Variants in PIP4K2B observed in about 807,000 individuals in gnomAD.
The protein encoded by PIP4K2B is phosphatidylinositol 5-phosphate 4-kinase type-2 beta.
PIP4K2B carries 3 observed loss-of-function variants against 42.0 expected under a neutral mutation model. That is an observed-to-expected ratio of 0.07 (90% CI 0.03 to 0.18). PIP4K2B has a LOEUF of 0.18. Ranked by LOEUF, PIP4K2B falls within the 10% of genes least tolerant of loss-of-function variation. The probability of loss-of-function intolerance (pLI) is 1.00; values close to 1 mark genes in which losing one functional copy is unlikely to be tolerated. For missense variants in PIP4K2B, 332 were observed against 562.3 expected (o/e 0.59, Z 4.14); for synonymous variants, 204 against 210.1 (o/e 0.97, Z 0.25).
chr17:38,797,408 G>A (rs1910710112), intron 1 of PIP4K2B, among the ~76,000 whole-genome samples: 1 of 152,082 alleles, frequency 6.6e-6, no homozygotes, highest in African/African-American at 2.4e-5. Context: ...ACTATACTTC[G>A]CATCTATCCT....
Position 38,780,588 on chromosome 17 carries a change from C to G in PIP4K2B, c.371G>C (p.Ser124Thr). Residue 124 changes from serine (S) to threonine (T), a missense_variant, in exon 4 of 10, where the codon AGC becomes ACC. Ser to Thr is a moderately conservative substitution (Grantham distance 58). Coordinates refer to ENST00000619039, the MANE Select transcript of PIP4K2B (RefSeq NM_003559.5). ...CTGGCTGTCACTGTTGATGGGGGCG[C>G]TGCGCGTCACTGAATTCTGATAATC... Reference protein sequence around the residue: ...DQDYQNSVTRSAPINSDSQGR... With the variant: ...DQDYQNSVTRTAPINSDSQGR... 6.2e-7 allele frequency: 1 copy of G among 1,611,672 alleles called. No homozygotes were observed. Among genetic ancestry groups the G allele is most frequent in the Non-Finnish European group, 8.5e-7 (1 of 1,178,014 alleles).
intron 1 of PIP4K2B, among the ~76,000 whole-genome samples, chr17:38,796,169 G>C (rs72625935): frequency 6.6e-6 from 1 of 152,004 alleles, no homozygotes; most frequent in Non-Finnish European, 1.5e-5. Context: ...ATCACAATGA[G>C]ATACGAATTC....
chr17:38,784,792 C>T (rs1598052267), intron 2 of PIP4K2B, among the ~76,000 whole-genome samples: 1 of 152,184 alleles, frequency 6.6e-6, no homozygotes, highest in East Asian at 1.9e-4. Flanking sequence ...TTCAATAAAA[C>T]ATACATTAAA....
chr17:38,787,572 G>A (rs1910102473), intron 1 of PIP4K2B, among the ~76,000 whole-genome samples: 1 of 152,050 alleles, frequency 6.6e-6, no homozygotes, highest in Non-Finnish European at 1.5e-5. Flanking sequence ...GTTAAGCTAG[G>A]CAATACTATA....
In PIP4K2B at chr17:38,799,108, C is replaced by G. The variant is rs1156343992; in HGVS notation, c.159+158G>C. ...TCGCGTGGCGTGCGGGGAGTGCACA[C>G]GGGGCCGAAAGGCGTGCAAGGGTGG... On this transcript the variant is annotated intron_variant, in intron 1 of 9. Transcript: ENST00000619039. The surrounding 1 kb of genome is among the most constrained non-coding windows in gnomAD (Gnocchi z 4.4). 6.6e-6 allele frequency among the ~76,000 whole-genome samples: 1 copy of G among 151,588 alleles called. No homozygotes were observed. The highest frequency in any genetic ancestry group is 1.5e-5 in the Non-Finnish European group (1 of 67,946).
chr17:38,770,684 T>C (rs1226631773), intron 8 of PIP4K2B, 145 bp from the exon 9 acceptor site: 1 of 658,272 alleles, frequency 1.5e-6, no homozygotes, highest in Non-Finnish European at 2.7e-6. Flanking sequence ...TGGAGTCCTT[T>C]CCAGCTGTCA....
chr17:38,778,082 ATG>A (rs1909469110), intron 6 of PIP4K2B, among the ~76,000 whole-genome samples: 1 of 152,196 alleles, frequency 6.6e-6, no homozygotes, highest in Admixed American at 6.5e-5. Flanking sequence ...AGGCTGGACT[ATG>A]AGATAGAAAT....
chr17:38,766,852 G>C lies in PIP4K2B; in HGVS notation c.*2839C>G, dbSNP rs1449892689. On this transcript the variant is annotated 3_prime_UTR_variant, in exon 10 of 10. Transcript: ENST00000619039. ...TTAATTAACAGGAACCAGGGCCAGGGGCCTTCATCTAGAGGTCAGTGGAGT... is the reference window on the plus strand; with the variant it reads ...TTAATTAACAGGAACCAGGGCCAGGCGCCTTCATCTAGAGGTCAGTGGAGT... The C allele has an allele frequency of 6.5e-6, 1 of 152,686 alleles. No homozygotes were observed. Among genetic ancestry groups the C allele is most frequent in the African/African-American group, 2.4e-5 (1 of 41,444 alleles). 9.5% of individuals were successfully genotyped at this position (152,686 alleles called of 1,614,324 possible). A position where few individuals can be genotyped will look rare whatever the true frequency, so the allele number is the denominator to read the frequency against.
At chr17:38,798,056 G>T (rs887734458) in intron 1 of PIP4K2B, among the ~76,000 whole-genome samples, 1 of 152,038 alleles carries the variant, frequency 6.6e-6, no homozygotes, top group Non-Finnish European at 1.5e-5. Context: ...CTCAGATTAC[G>T]GTTCATCGAT....
chr17:38,773,887 T>C (rs1909175315), intron 7 of PIP4K2B, among the ~76,000 whole-genome samples: 1 of 152,138 alleles, frequency 6.6e-6, no homozygotes, highest in South Asian at 2.1e-4. Flanking sequence ...GCAACATGCA[T>C]TGAAAACAAA....
At chr17:38,796,017 A>C (rs1221413622) in intron 1 of PIP4K2B, among the ~76,000 whole-genome samples, 1 of 152,146 alleles carries the variant, frequency 6.6e-6, no homozygotes, top group Non-Finnish European at 1.5e-5. Flanking sequence ...AGGCATCTGT[A>C]ATCCCAGCTA....
chr17:38,797,572 C>A (rs1050367702), intron 1 of PIP4K2B, among the ~76,000 whole-genome samples: 1 of 152,216 alleles, frequency 6.6e-6, no homozygotes, highest in African/African-American at 2.4e-5. Flanking sequence ...CCACCTGAGG[C>A]CTCCTTTTCT....
At chr17:38,794,916 A>G (rs935336163) in intron 1 of PIP4K2B, among the ~76,000 whole-genome samples, 2 of 151,898 alleles carry the variant, frequency 1.3e-5, no homozygotes, top group Non-Finnish European at 2.9e-5. Context: ...TCTGGCCAAC[A>G]TGGCAAAACC....
intron 3 of PIP4K2B, among the ~76,000 whole-genome samples, chr17:38,781,668 C>A (rs1909725458): frequency 6.6e-6 from 1 of 151,794 alleles, no homozygotes; most frequent in South Asian, 2.1e-4. Flanking sequence ...AGGTGTGCAC[C>A]AACATGCCCG....
intron 4 of PIP4K2B, chr17:38,780,076 G>C (rs1909609119): frequency 5.1e-6 from 1 of 194,508 alleles, no homozygotes; most frequent in East Asian, 1.3e-4. Flanking sequence ...GCTGAGGACA[G>C]ACACACAGAT....
chr17:38,780,964 G>A (rs1353421507), intron 3 of PIP4K2B, among the ~76,000 whole-genome samples: 1 of 152,146 alleles, frequency 6.6e-6, no homozygotes, highest in Non-Finnish European at 1.5e-5. Context: ...ATGACCTTGG[G>A]TGAGCCATTT....
At position 38,766,282 on chromosome 17, in the gene PIP4K2B, G is replaced by A. The variant is rs1234095170; in HGVS notation, c.*3409C>T. 3 of 152,550 alleles carry A rather than the reference G, an allele frequency of 2.0e-5. No individual in the cohort carries two copies. Among genetic ancestry groups the A allele is most frequent in the African/African-American group, 7.2e-5 (3 of 41,460 alleles). The allele number at this position is 152,550 out of a possible 1,614,324, so 9.4% of individuals were successfully genotyped here. On this transcript the variant is annotated 3_prime_UTR_variant, in exon 10 of 10. Transcript: ENST00000619039. Reference sequence around the variant, plus strand: ...GAAGAGATGAGGCTCCTAGACTTGGGGGGCCACAGGTTTAAGGCCAGAGCT... The same window carrying A: ...GAAGAGATGAGGCTCCTAGACTTGGAGGGCCACAGGTTTAAGGCCAGAGCT...
At chr17:38,770,910 T>C in intron 8 of PIP4K2B, 104 bp downstream of exon 8, 1 of 1,311,484 alleles carries the variant, frequency 7.6e-7, no homozygotes. Flanking sequence ...AAGGCAGCAA[T>C]GAATGAGGTG....
rs534790786 is a variant in PIP4K2B, at chr17:38,784,286, C to T, written c.311G>A (p.Arg104Gln). 6.2e-6 allele frequency: 10 copies of T among 1,613,826 alleles called. No homozygotes were observed. The highest frequency in any genetic ancestry group is 2.7e-5 in the African/African-American group (2 of 75,040). Residue 104 changes from arginine (R) to glutamine (Q), a missense_variant, in exon 3 of 10, where the codon CGA becomes CAA. Arg to Gln is a conservative substitution (Grantham distance 43, BLOSUM62 1). Transcript: ENST00000619039. ...AATTCCAAACCTCTCCCGAAGGTTTCGGAACACCATGGGGCAATACTCCTT... is the reference window on the plus strand; with the variant it reads ...AATTCCAAACCTCTCCCGAAGGTTTTGGAACACCATGGGGCAATACTCCTT... ...KFKEYCPMVFRNLRERFGIDD... is the reference protein window; with the variant it reads ...KFKEYCPMVFQNLRERFGIDD...
Sources: gnomAD v4.1 joint callset for allele counts (sites outside exome capture counted in the v4.1 genomes callset) on GRCh38, gnomAD v4.1.1 for gene constraint, Gnocchi (gnomAD v3.1) non-coding constraint, MANE v1.5 for transcripts, NCBI Gene and HGNC (gene_info 2026-07-23, HGNC 2026-07-21) for gene names.